SAMD5: variants seen among roughly 807,000 people sequenced by gnomAD.
SAMD5 encodes the protein sterile alpha motif domain containing 5.
Under a neutral mutation model 11.3 loss-of-function variants are expected in SAMD5, and 13 were observed. That is an observed-to-expected ratio of 1.15 (90% CI 0.75 to 1.83). The LOEUF (loss-of-function observed/expected upper bound fraction) is 1.83. Ranked by LOEUF, SAMD5 falls within the 40% of genes most tolerant of loss-of-function variation. The pLI is 0.00. For synonymous variants in SAMD5, 129 were observed against 111.3 expected (o/e 1.16, Z -1.00); for missense variants, 255 against 239.1 (o/e 1.07, Z -0.44).
At chr6:147,841,716 C>G in the SAMD5 span, among the ~76,000 whole-genome samples, 1 of 151,014 alleles carries the variant, frequency 6.6e-6, no homozygotes, top group Non-Finnish European at 1.5e-5. Context: ...GCATGTCACA[C>G]TAGTTAAGAG....
intron 1 of SAMD5, among the ~76,000 whole-genome samples, chr6:147,624,883 A>T (rs566820980): frequency 0.11 from 3,207 of 29,422 alleles, 49 homozygotes; most frequent in African/African-American, 0.19. Flanking sequence ...ATAAAAAATT[A>T]AAAAAAAAAC....
intron 1 of SAMD5, among the ~76,000 whole-genome samples, chr6:147,553,554 C>T (rs568234103): frequency 6.6e-6 from 1 of 152,200 alleles, no homozygotes; most frequent in Non-Finnish European, 1.5e-5. Flanking sequence ...ATAAGGTTAC[C>T]TTGGACAATG....
At chr6:147,917,079 G>A in the SAMD5 span, among the ~76,000 whole-genome samples, 4 of 102,080 alleles carry the variant, frequency 3.9e-5, no homozygotes, top group East Asian at 1.1e-3. Context: ...CCCAGTAATG[G>A]GATGGCTGGG....
downstream of SAMD5, chr6:147,741,358 A>C (rs1454370719): frequency 6.6e-6 from 1 of 152,092 alleles, no homozygotes; most frequent in Non-Finnish European, 1.5e-5. Context: ...CTTTGATGAG[A>C]TAATCATTTA....
At chr6:147,819,957 C>G in the SAMD5 span, among the ~76,000 whole-genome samples, 311 of 152,244 alleles carry the variant, frequency 2.0e-3, 1 homozygote, top group African/African-American at 7.1e-3. Context: ...AAAGGGGAAC[C>G]AGGAGGCTGA....
At chr6:147,534,823 A>AT (rs1283838555) in intron 1 of SAMD5, among the ~76,000 whole-genome samples, 1 of 152,118 alleles carries the variant, frequency 6.6e-6, no homozygotes, top group Non-Finnish European at 1.5e-5. Context: ...CTAAACCATA[A>AT]TTTTTAATTT....
intron 1 of SAMD5, among the ~76,000 whole-genome samples, chr6:147,667,100 T>C (rs1014488248): frequency 1.3e-5 from 2 of 152,200 alleles, no homozygotes; most frequent in Non-Finnish European, 2.9e-5. Context: ...AAAGTCCTTA[T>C]TGAATTCAGC....
chr6:147,706,926 A>T (rs911743765), intron 1 of SAMD5, among the ~76,000 whole-genome samples: 3 of 152,308 alleles, frequency 2.0e-5, no homozygotes, highest in Non-Finnish European at 4.4e-5. Flanking sequence ...GGCCCACACT[A>T]TTTATGACTG....
At chr6:147,737,672 CTTTTTTTTTTTTT>C (rs10544345), downstream of SAMD5, 754 of 49,316 alleles carry the variant, frequency 0.015, 24 homozygotes, top group African/African-American at 0.055. Context: ...AGATTGAGGG[CTTTTTTTTTTTTT>C]TTTTTTTTTT....
chr6:147,926,093 G>A, the SAMD5 span, among the ~76,000 whole-genome samples: 27 of 152,060 alleles, frequency 1.8e-4, no homozygotes, highest in African/African-American at 6.0e-4. Flanking sequence ...GTCGTTGATG[G>A]GCACTTAGGT....
chr6:147,842,969 C>G, the SAMD5 span, among the ~76,000 whole-genome samples: 12 of 152,182 alleles, frequency 7.9e-5, no homozygotes, highest in Non-Finnish European at 1.5e-4. Flanking sequence ...AAGTGATTCT[C>G]CCACCTCAGC....
chr6:147,551,848 A>G (rs1168111279), intron 1 of SAMD5, among the ~76,000 whole-genome samples: 2 of 142,748 alleles, frequency 1.4e-5, no homozygotes, highest in Admixed American at 7.0e-5. Flanking sequence ...GTATATATGT[A>G]TTTTAACATT....
intron 1 of SAMD5, among the ~76,000 whole-genome samples, chr6:147,599,199 A>G (rs1016022255): frequency 1.3e-5 from 2 of 152,178 alleles, no homozygotes; most frequent in Non-Finnish European, 2.9e-5. Flanking sequence ...CCAAATTGCT[A>G]TGGGTTGAGA....
At chr6:147,762,012 C>T in the SAMD5 span, among the ~76,000 whole-genome samples, 462 of 152,050 alleles carry the variant, frequency 3.0e-3, 3 homozygotes, top group African/African-American at 0.011. Flanking sequence ...CACGCCTGGC[C>T]TTTTTTTACA....
intron 1 of SAMD5, among the ~76,000 whole-genome samples, chr6:147,586,617 T>G (rs1194435103): frequency 6.6e-6 from 1 of 151,984 alleles, no homozygotes; most frequent in Non-Finnish European, 1.5e-5. Context: ...TTAATCACTA[T>G]TTCTTCAATA....
At chr6:147,865,412 A>C in the SAMD5 span, among the ~76,000 whole-genome samples, 2 of 152,074 alleles carry the variant, frequency 1.3e-5, no homozygotes, top group African/African-American at 4.8e-5. Context: ...AAAAAAAGGA[A>C]AGATGAATTG....
intron 1 of SAMD5, among the ~76,000 whole-genome samples, chr6:147,623,904 C>G (rs1037343871): frequency 1.3e-5 from 2 of 152,092 alleles, no homozygotes; most frequent in Non-Finnish European, 2.9e-5. Context: ...GAATCTTGCT[C>G]TGTCGCCCAG....
At chr6:147,718,068 A>G (rs73014086) in intron 1 of SAMD5, among the ~76,000 whole-genome samples, 10,624 of 152,248 alleles carry the variant, frequency 0.07, 430 homozygotes, top group Middle Eastern at 0.1. Context: ...CCCCTTTTTG[A>G]AAAGTATTGG....
At chr6:147,537,724 C>G (rs902139108) in intron 1 of SAMD5, among the ~76,000 whole-genome samples, 3 of 150,744 alleles carry the variant, frequency 2.0e-5, no homozygotes, top group Non-Finnish European at 4.4e-5. Flanking sequence ...TCACTGCCCT[C>G]CAGCCTGGGT....
Sources: allele counts gnomAD v4.1 joint callset (sites outside exome capture counted in the v4.1 genomes callset), GRCh38; gene constraint gnomAD v4.1.1; transcripts MANE v1.5; gene names NCBI Gene and HGNC (gene_info 2026-07-23, HGNC 2026-07-21).